TNNT2: variants seen among roughly 807,000 people sequenced by gnomAD.
The protein encoded by TNNT2 is troponin T, cardiac muscle.
In TNNT2, 34 loss-of-function variants were observed where a neutral mutation model predicts 62.4. The observed-to-expected ratio is 0.54, with a 90% confidence interval of 0.41 to 0.72. TNNT2 has a LOEUF of 0.72. Ranked by LOEUF, TNNT2 falls within the 30% of genes least tolerant of loss-of-function variation. The pLI is 0.00. For missense variants in TNNT2, 275 were observed against 381.9 expected (o/e 0.72, Z 2.33); for synonymous variants, 123 against 127.2 (o/e 0.97, Z 0.22).
chr1:201,366,938 G>A (rs773211880), intron 7 of TNNT2, 67 bp from the exon 8 acceptor site: 19 of 1,613,066 alleles, frequency 1.2e-5, no homozygotes, highest in Admixed American at 6.7e-5. Context: ...CTCCGCCCTC[G>A]ATGAGCTAGA....
At chr1:201,361,214 C>A in intron 15 of TNNT2, 65 bp downstream of exon 15, 1 of 1,499,566 alleles carries the variant, frequency 6.7e-7, no homozygotes, top group South Asian at 1.1e-5. Context: ...GCAGTATTAC[C>A]GGACCCAGTG....
rs144310163 is a variant in TNNT2, at chr1:201,369,972, C to T, written c.68-127G>A. 592 of 1,034,980 alleles carry T rather than the reference C, an allele frequency of 5.7e-4. 1 individual carries two copies. In the African/African-American group the frequency reaches 7.3e-3, roughly 13 times the overall value. 64.1% of individuals were successfully genotyped at this position (1,034,980 alleles called of 1,614,324 possible). ...AAGAGTGTGGGCTTTGGAGTTAGGCCGGCATTCCAATTCCCAAGCCACTAC... is the reference window on the plus strand; with the variant it reads ...AAGAGTGTGGGCTTTGGAGTTAGGCTGGCATTCCAATTCCCAAGCCACTAC... On this transcript the variant is annotated intron_variant, in intron 4 of 16. Coordinates refer to ENST00000656932, the MANE Select transcript of TNNT2 (RefSeq NM_001276345.2).
intron 11 of TNNT2, chr1:201,363,787 A>G: frequency 3.1e-6 from 1 of 323,112 alleles, no homozygotes; most frequent in South Asian, 3.6e-5. Flanking sequence ...TAACACGTTC[A>G]TAAGGACGCA....
rs535282031 is a variant in TNNT2 at position 201,372,035 on chromosome 1, G to T, written c.59C>A (p.Ala20Asp). 1 of 1,573,956 alleles carries T rather than the reference G, an allele frequency of 6.4e-7. No homozygotes were observed. The highest frequency in any genetic ancestry group is 1.4e-5 in the African/African-American group (1 of 71,034). ...CTGCCTGAGGCACATACCTTCAACA[G>T]CTGCTTCTGCTCAGAAGAGAAGTCC... The part of the protein sequence containing the change: ...EYEEEEQEEA[A>D]VEEEEDWRED... The change falls in exon 4 of 17, where the codon GCT (alanine) becomes GAT (aspartate). Residue 20 changes from alanine to aspartate, a missense_variant. Physicochemically the swap from Ala to Asp is moderately radical, Grantham distance 126 (BLOSUM62 -2). Transcript: ENST00000656932.
intron 1 of TNNT2, chr1:201,374,775 C>G (rs1016115486): frequency 1.3e-5 from 2 of 152,234 alleles, no homozygotes; most frequent in African/African-American, 4.8e-5. Flanking sequence ...TGACAGTGCA[C>G]TGCTCCAGGG....
chr1:201,366,381 C>T (rs1659666519), intron 8 of TNNT2: 1 of 1,052,604 alleles, frequency 9.5e-7, no homozygotes, highest in Non-Finnish European at 1.1e-6. Context: ...CAGCACACAC[C>T]ACCTTCAGGT....
chr1:201,362,261 C>T, intron 13 of TNNT2, 125 bp downstream of exon 13: 2 of 1,494,188 alleles, frequency 1.3e-6, no homozygotes, highest in Non-Finnish European at 1.8e-6. Flanking sequence ...TCACCTCTCA[C>T]CAGCTTCCCC....
At chr1:201,363,900 T>C (rs1659174992) in intron 11 of TNNT2, 1 of 219,056 alleles carries the variant, frequency 4.6e-6, no homozygotes, top group Non-Finnish European at 9.1e-6. Flanking sequence ...TTTTTTTTTT[T>C]TTTTGAGTTG....
chr1:201,364,287 G>A lies in TNNT2; in HGVS notation c.489+11C>T. On this transcript the variant is annotated intron_variant, in intron 11 of 16. Transcript: ENST00000656932. Reference sequence around the variant, plus strand: ...GGGGGCCTCCATGGGCCTGGGCTAGGGGTCACTCACAGCCAGGCGGTTCTG... The same window carrying A: ...GGGGGCCTCCATGGGCCTGGGCTAGAGGTCACTCACAGCCAGGCGGTTCTG... The A allele has an allele frequency of 6.2e-7, 1 of 1,611,148 alleles. No homozygotes were observed. Among genetic ancestry groups the A allele is most frequent in the East Asian group, 2.2e-5 (1 of 44,864 alleles).
chr1:201,377,560 A>C (rs1571706394), intron 1 of TNNT2, 63 bp downstream of exon 1: 1 of 455,980 alleles, frequency 2.2e-6, no homozygotes, highest in Non-Finnish European at 4.4e-6. Flanking sequence ...AGGGCCCAAG[A>C]CCCTCACATC....
At chr1:201,371,296 G>A (rs533500768) in intron 4 of TNNT2, among the ~76,000 whole-genome samples, 4 of 152,176 alleles carry the variant, frequency 2.6e-5, no homozygotes, top group East Asian at 3.9e-4. Context: ...AGGTGAGGGC[G>A]TTCTTTCAGG....
chr1:201,366,828 C>T lies in TNNT2; in HGVS notation c.233+10G>A, dbSNP rs543193858. On this transcript the variant is annotated intron_variant, in intron 8 of 16. Coordinates refer to ENST00000656932, the MANE Select transcript of TNNT2 (RefSeq NM_001276345.2). ...TGCTCCCGGCTCTACCCAGGTGCCT[C>T]CCCACTCACCTGGGCTTTGGTTTGG... 3.1e-6 allele frequency: 5 copies of T among 1,614,090 alleles called. No individual in the cohort carries two copies. The South Asian group carries it at 5.5e-5, about 18-fold the overall frequency.
chr1:201,359,718 C>G, intron 15 of TNNT2, 55 bp from the exon 16 acceptor site: 1 of 1,531,864 alleles, frequency 6.5e-7, no homozygotes, highest in Non-Finnish European at 8.9e-7. Context: ...TGGCTCAGGT[C>G]CCAGGTGGCC....
Position 201,359,610 on chromosome 1 carries a change from C to T in TNNT2, c.851+13G>A. 3.8e-6 allele frequency: 6 copies of T among 1,598,746 alleles called. No individual in the cohort carries two copies. The highest frequency in any genetic ancestry group is 5.1e-6 in the Non-Finnish European group (6 of 1,171,076). On this transcript the variant is annotated intron_variant, in intron 16 of 16. Coordinates refer to ENST00000656932, the MANE Select transcript of TNNT2 (RefSeq NM_001276345.2). ...AGGGGGAGGGCTAGGCGAGAATGAC[C>T]TCAGACACTTACACTTTCTGGTTAT...
chr1:201,366,980 A>T, intron 7 of TNNT2, 109 bp from the exon 8 acceptor site: 1 of 1,582,828 alleles, frequency 6.3e-7, no homozygotes, highest in Non-Finnish European at 8.6e-7. Flanking sequence ...CCATCTGCAC[A>T]GTGAGTCCCT....
Position 201,364,369 on chromosome 1 carries a change from G to A in TNNT2, c.418C>T (p.Arg140Cys), listed in dbSNP as rs397516463. ...LVSLKDRIER[R>C]RAERAEQQRI... is the part of the protein sequence containing the mutation. ...TGCTGCTCGGCCCGCTCTGCCCGAC[G>A]TCTCTCCTAAGGAGAAGAGGCAAAG... Residue 140 changes from arginine (R) to cysteine (C), a missense_variant, in exon 11 of 17, where the codon CGT becomes TGT. Coordinates refer to ENST00000656932, the MANE Select transcript of TNNT2 (RefSeq NM_001276345.2). 5 of 1,612,504 alleles carry A rather than the reference G, an allele frequency of 3.1e-6. No individual in the cohort carries two copies. Among genetic ancestry groups the A allele is most frequent in the African/African-American group, 2.7e-5 (2 of 74,930 alleles).
At chr1:201,365,352 T>G (rs766204575) in intron 9 of TNNT2, 45 bp from the exon 10 acceptor site, 1 of 1,536,918 alleles carries the variant, frequency 6.5e-7, no homozygotes. Context: ...CTCCAAAGAG[T>G]CCAGAGGAGA....
intron 10 of TNNT2, 54 bp downstream of exon 10, chr1:201,365,137 T>C: frequency 2.1e-6 from 3 of 1,463,310 alleles, no homozygotes; most frequent in Admixed American, 3.3e-5. Context: ...ACAAAAGGGA[T>C]GGAGGACAGA....
At chr1:201,364,170 C>T in intron 11 of TNNT2, 128 bp downstream of exon 11, 1 of 1,055,072 alleles carries the variant, frequency 9.5e-7, no homozygotes, top group Non-Finnish European at 1.4e-6. Flanking sequence ...AGGCGTGAGC[C>T]ACCGCACCCG....
Sources: allele counts gnomAD v4.1 joint callset (sites outside exome capture counted in the v4.1 genomes callset), GRCh38; gene constraint gnomAD v4.1.1; transcripts MANE v1.5; gene names NCBI Gene and HGNC (gene_info 2026-07-23, HGNC 2026-07-21).